Variants in MTUS2 observed in about 807,000 individuals in gnomAD.
The protein encoded by MTUS2 is microtubule associated scaffold protein 2.
Under a neutral mutation model 114.1 loss-of-function variants are expected in MTUS2, and 40 were observed. The observed-to-expected ratio is 0.35, with a 90% CI of 0.27 to 0.46. MTUS2 has a LOEUF of 0.46. MTUS2 is among the 20% of genes least tolerant of loss of function. The probability of loss-of-function intolerance (pLI) is 1.00; values close to 1 mark genes in which losing one functional copy is unlikely to be tolerated. For missense variants in MTUS2, 1,679 were observed against 1,705.4 expected (o/e 0.98, Z 0.27); for synonymous variants, 688 against 672.0 (o/e 1.02, Z -0.37).
intron 7 of MTUS2, among the ~76,000 whole-genome samples, chr13:29,334,335 T>G (rs575292290): frequency 1.3e-5 from 2 of 152,192 alleles, no homozygotes; most frequent in African/African-American, 2.4e-5. Context: ...TTTTTGCAGT[T>G]GCTGGTACCG....
chr13:29,366,642 A>G (rs1305631136), intron 8 of MTUS2, among the ~76,000 whole-genome samples: 2 of 152,228 alleles, frequency 1.3e-5, no homozygotes, highest in Non-Finnish European at 2.9e-5. Flanking sequence ...TTTTGAAAAT[A>G]TAAGTTAGAT....
At chr13:28,876,697 G>A (rs73454661) in intron 2 of MTUS2, among the ~76,000 whole-genome samples, 6,730 of 152,186 alleles carry the variant, frequency 0.044, 480 homozygotes, top group African/African-American at 0.15. Flanking sequence ...CCTTGGATCG[G>A]TCAGACCCAC....
At chr13:29,414,780 TCTTTA>T (rs1266288200) in intron 8 of MTUS2, among the ~76,000 whole-genome samples, 6 of 152,012 alleles carry the variant, frequency 3.9e-5, no homozygotes, top group East Asian at 1.9e-4. Flanking sequence ...GGTTTTCTAT[TCTTTA>T]CTTTAATAAT....
intron 2 of MTUS2, among the ~76,000 whole-genome samples, chr13:29,007,172 T>G (rs2138406601): frequency 6.6e-6 from 1 of 152,314 alleles, no homozygotes; most frequent in South Asian, 2.1e-4. Context: ...TTCATTAAAA[T>G]TATCTAAACC....
chr13:29,280,265 T>C (rs987270436), intron 5 of MTUS2, among the ~76,000 whole-genome samples: 5 of 152,232 alleles, frequency 3.3e-5, no homozygotes, highest in African/African-American at 1.2e-4. Flanking sequence ...ATCCTTTCAA[T>C]GGAGTTTCAA....
chr13:29,330,722 G>A (rs1346809404), intron 7 of MTUS2, among the ~76,000 whole-genome samples: 2 of 151,994 alleles, frequency 1.3e-5, no homozygotes, highest in Non-Finnish European at 1.5e-5. Context: ...TTTTGTCAGG[G>A]TTGTCAAAGA....
intron 4 of MTUS2, among the ~76,000 whole-genome samples, chr13:29,099,002 A>T (rs147298804): frequency 1.3e-5 from 2 of 152,354 alleles, no homozygotes; most frequent in African/African-American, 4.8e-5. Context: ...GATGTTTAGC[A>T]ACTCTTTTCC....
At chr13:29,057,004 A>G (rs1248385392) in intron 4 of MTUS2, among the ~76,000 whole-genome samples, 1 of 151,772 alleles carries the variant, frequency 6.6e-6, no homozygotes, top group African/African-American at 2.4e-5. Flanking sequence ...AGTATGTTGT[A>G]TTTTGTTCTC....
intron 6 of MTUS2, among the ~76,000 whole-genome samples, chr13:29,308,730 C>G (rs1385296980): frequency 6.6e-6 from 1 of 151,938 alleles, no homozygotes; most frequent in Admixed American, 6.6e-5. Context: ...AAAAAGTGAG[C>G]AAAGAACATT....
At chr13:28,898,787 T>A (rs939848433) in intron 2 of MTUS2, among the ~76,000 whole-genome samples, 1 of 152,166 alleles carries the variant, frequency 6.6e-6, no homozygotes, top group Admixed American at 6.6e-5. Context: ...GCAAATAATA[T>A]CATGTAATGG....
At chr13:28,957,924 A>G (rs558763926) in intron 2 of MTUS2, among the ~76,000 whole-genome samples, 2 of 152,322 alleles carry the variant, frequency 1.3e-5, no homozygotes, top group African/African-American at 4.8e-5. Context: ...TGTGATAGGC[A>G]TGGGATAGGA....
chr13:29,377,910 G>A (rs1026806445), intron 8 of MTUS2, among the ~76,000 whole-genome samples: 5 of 152,168 alleles, frequency 3.3e-5, no homozygotes, highest in African/African-American at 9.7e-5. Flanking sequence ...TGTCAGCATC[G>A]GCAATGGAAG....
chr13:29,012,576 TAA>T (rs1885893505), intron 2 of MTUS2, among the ~76,000 whole-genome samples: 1 of 152,242 alleles, frequency 6.6e-6, no homozygotes, highest in East Asian at 1.9e-4. Flanking sequence ...AGAGATATGC[TAA>T]AAGAGTGGGT....
chr13:29,040,236 G>A (rs1887283902), intron 4 of MTUS2, among the ~76,000 whole-genome samples: 1 of 152,130 alleles, frequency 6.6e-6, no homozygotes, highest in Non-Finnish European at 1.5e-5. Flanking sequence ...TTCCATTCCT[G>A]AGTTACTTCG....
At chr13:28,998,451 G>A (rs1885221764) in intron 2 of MTUS2, among the ~76,000 whole-genome samples, 1 of 152,192 alleles carries the variant, frequency 6.6e-6, no homozygotes, top group Admixed American at 6.5e-5. Context: ...TTGCTAGATT[G>A]GGGAAGTTCT....
intron 5 of MTUS2, among the ~76,000 whole-genome samples, chr13:29,112,826 A>G (rs538273164): frequency 5.3e-5 from 8 of 152,196 alleles, no homozygotes; most frequent in Non-Finnish European, 8.8e-5. Flanking sequence ...AAAGACTTCA[A>G]GGAGGTCATA....
chr13:29,212,777 C>G (rs1170139473), intron 5 of MTUS2, among the ~76,000 whole-genome samples: 4 of 152,366 alleles, frequency 2.6e-5, no homozygotes, highest in Non-Finnish European at 4.4e-5. Flanking sequence ...AGAGGTTGCT[C>G]CACCCTATTG....
At chr13:28,843,279 A>G (rs1255890164) in intron 2 of MTUS2, among the ~76,000 whole-genome samples, 1 of 151,610 alleles carries the variant, frequency 6.6e-6, no homozygotes, top group African/African-American at 2.4e-5. Flanking sequence ...TTTTTTTTCT[A>G]CATGTGATTC....
At chr13:29,410,249 C>G (rs752600901) in intron 8 of MTUS2, among the ~76,000 whole-genome samples, 3 of 151,974 alleles carry the variant, frequency 2.0e-5, no homozygotes, top group Non-Finnish European at 2.9e-5. Flanking sequence ...CTCAGCCTCC[C>G]AAGTAGCTGG....
Sources: allele counts gnomAD v4.1 joint callset (sites outside exome capture counted in the v4.1 genomes callset), GRCh38; gene constraint gnomAD v4.1.1; transcripts MANE v1.5; gene names NCBI Gene and HGNC (gene_info 2026-07-23, HGNC 2026-07-21).